The following KCNH7 variants were observed in gnomAD, a reference collection of about 807,000 sequenced individuals.
The protein encoded by KCNH7 is voltage-gated inwardly rectifying potassium channel KCNH7.
KCNH7 carries 49 observed loss-of-function variants against 120.8 expected under a neutral mutation model. The ratio of observed to expected loss-of-function variants is 0.41; its 90% CI spans 0.32 to 0.51. The LOEUF is 0.51. Among genes scored for constraint, KCNH7 ranks in the 20% least tolerant of loss-of-function variants. KCNH7 has a pLI of 0.38. For missense variants in KCNH7, 1,097 were observed against 1,446.6 expected, an observed-to-expected ratio of 0.76 and a Z score of 3.92; for synonymous variants, 547 against 516.1, an observed-to-expected ratio of 1.06 and a Z score of -0.81.
At chr2:162,744,871 C>T (rs1279834652) in intron 2 of KCNH7, among the ~76,000 whole-genome samples, 1 of 152,170 alleles carries the variant, frequency 6.6e-6, no homozygotes, top group African/African-American at 2.4e-5. Flanking sequence ...CCGCGCCCGG[C>T]CGACAGAACT....
intron 6 of KCNH7, among the ~76,000 whole-genome samples, chr2:162,480,857 A>G (rs1264272544): frequency 6.6e-6 from 1 of 152,128 alleles, no homozygotes; most frequent in African/African-American, 2.4e-5. Context: ...AAGAGGTGGA[A>G]AAAGGAGGAT....
chr2:162,825,910 A>G (rs1685268232), intron 2 of KCNH7, among the ~76,000 whole-genome samples: 1 of 152,132 alleles, frequency 6.6e-6, no homozygotes, highest in Admixed American at 6.6e-5. Context: ...ACTACAAGCC[A>G]TCATTGTAAC....
At chr2:162,383,730 G>T (rs1686492891) in intron 13 of KCNH7, among the ~76,000 whole-genome samples, 3 of 151,696 alleles carry the variant, frequency 2.0e-5, no homozygotes, top group Admixed American at 2.0e-4. Context: ...TACATCCAGG[G>T]ATATATTAAA....
intron 7 of KCNH7, among the ~76,000 whole-genome samples, chr2:162,438,803 TG>T (rs1688335249): frequency 6.6e-6 from 1 of 152,182 alleles, no homozygotes; most frequent in Non-Finnish European, 1.5e-5. Context: ...TGCTTAGGAT[TG>T]TAATAACTCT....
At chr2:162,817,920 TACAG>T (rs1684973068) in intron 2 of KCNH7, among the ~76,000 whole-genome samples, 1 of 152,112 alleles carries the variant, frequency 6.6e-6, no homozygotes, top group Admixed American at 6.5e-5. Flanking sequence ...TATATGTATA[TACAG>T]AGAGATATGG....
At chr2:162,838,417 C>G in intron 1 of KCNH7, 26 bp downstream of exon 1, 2 of 1,593,304 alleles carry the variant, frequency 1.3e-6, no homozygotes, top group Non-Finnish European at 1.7e-6. Flanking sequence ...AAAGCGAGGG[C>G]GAGAGAAGAG....
At chr2:162,775,726 C>T (rs1683210637) in intron 2 of KCNH7, among the ~76,000 whole-genome samples, 1 of 152,248 alleles carries the variant, frequency 6.6e-6, no homozygotes, top group Non-Finnish European at 1.5e-5. Context: ...TATACAATTT[C>T]ATTTTCTTGT....
At chr2:162,449,712 T>G (rs1405801579) in intron 6 of KCNH7, among the ~76,000 whole-genome samples, 1 of 151,980 alleles carries the variant, frequency 6.6e-6, no homozygotes, top group East Asian at 1.9e-4. Flanking sequence ...CAGGATGTAT[T>G]TTCCCTCAGA....
At chr2:162,610,340 C>T (rs572595610) in intron 2 of KCNH7, among the ~76,000 whole-genome samples, 27 of 152,058 alleles carry the variant, frequency 1.8e-4, no homozygotes, top group African/African-American at 6.3e-4. Context: ...TTTTTTTCTT[C>T]CACCTAGGTA....
intron 2 of KCNH7, among the ~76,000 whole-genome samples, chr2:162,552,900 G>A (rs576452332): frequency 6.6e-6 from 1 of 152,270 alleles, no homozygotes; most frequent in African/African-American, 2.4e-5. Context: ...CCCTGCTACA[G>A]TCACAACTTG....
chr2:162,553,245 T>TA (rs79980946), intron 2 of KCNH7, among the ~76,000 whole-genome samples: 14,883 of 152,110 alleles, frequency 0.098, 851 homozygotes, highest in East Asian at 0.21. Flanking sequence ...GCAAGACATT[T>TA]AAGGAAGTAA....
intron 2 of KCNH7, among the ~76,000 whole-genome samples, chr2:162,717,321 C>T (rs948301812): frequency 6.6e-6 from 1 of 152,044 alleles, no homozygotes; most frequent in Non-Finnish European, 1.5e-5. Context: ...GGATCCAAAA[C>T]ATGGAGAGGT....
chr2:162,505,156 T>G (rs1392924523), intron 5 of KCNH7, among the ~76,000 whole-genome samples: 1 of 151,904 alleles, frequency 6.6e-6, no homozygotes, highest in African/African-American at 2.4e-5. Context: ...TTCATATGTT[T>G]CCACTACCTA....
intron 2 of KCNH7, among the ~76,000 whole-genome samples, chr2:162,787,375 A>G (rs1400076809): frequency 6.6e-6 from 1 of 151,942 alleles, no homozygotes; most frequent in East Asian, 1.9e-4. Context: ...CTCCAGTGCA[A>G]CACCAGACTC....
chr2:162,797,172 A>C (rs1684176599), intron 2 of KCNH7: 1 of 152,052 alleles, frequency 6.6e-6, no homozygotes, highest in Non-Finnish European at 1.5e-5. Context: ...CAATGACTGC[A>C]GTCTTTCATT....
At chr2:162,471,191 C>T (rs1224400263) in intron 6 of KCNH7, among the ~76,000 whole-genome samples, 1 of 151,286 alleles carries the variant, frequency 6.6e-6, no homozygotes, top group Admixed American at 6.6e-5. Flanking sequence ...TCACTATTGT[C>T]CTATGACCCT....
chr2:162,481,978 A>G (rs988386535), intron 6 of KCNH7, among the ~76,000 whole-genome samples: 3 of 149,450 alleles, frequency 2.0e-5, no homozygotes, highest in Non-Finnish European at 4.5e-5. Context: ...CTATCTATCT[A>G]TCTATCTATC....
intron 2 of KCNH7, among the ~76,000 whole-genome samples, chr2:162,575,183 C>T (rs1309948825): frequency 6.6e-6 from 1 of 151,988 alleles, no homozygotes; most frequent in East Asian, 1.9e-4. Flanking sequence ...GGGTTGAGAG[C>T]GTGTAAAGCC....
chr2:162,832,174 C>T (rs1022220422), intron 2 of KCNH7, among the ~76,000 whole-genome samples: 1 of 152,048 alleles, frequency 6.6e-6, no homozygotes, highest in East Asian at 1.9e-4. Flanking sequence ...AACACCCAAG[C>T]AAACTCTAGG....
Sources: allele counts gnomAD v4.1 joint callset (sites outside exome capture counted in the v4.1 genomes callset), GRCh38; gene constraint gnomAD v4.1.1; transcripts MANE v1.5; gene names NCBI Gene and HGNC (gene_info 2026-07-23, HGNC 2026-07-21).